The following CDH6 variants were observed in gnomAD, a reference collection of about 807,000 sequenced individuals.
The protein encoded by CDH6 is cadherin-6.
Under a neutral mutation model 78.0 loss-of-function variants are expected in CDH6, and 31 were observed. That is an observed-to-expected ratio of 0.40 (90% confidence interval 0.30 to 0.54). The LOEUF (loss-of-function observed/expected upper bound fraction) is 0.54. CDH6 is among the 20% of genes least tolerant of loss of function. The probability of loss-of-function intolerance (pLI) is 0.56; values close to 1 mark genes in which losing one functional copy is unlikely to be tolerated. For synonymous variants in CDH6, 376 were observed against 368.8 expected (o/e 1.02, Z -0.23); for missense variants, 724 against 975.9 (o/e 0.74, Z 3.44).
chr5:31,203,435 C>A (rs1307734605), intron 1 of CDH6, among the ~76,000 whole-genome samples: 1 of 122,256 alleles, frequency 8.2e-6, no homozygotes, highest in Non-Finnish European at 1.6e-5. Flanking sequence ...GTGTGATATT[C>A]CCCTTCCTGT....
At chr5:31,196,780 C>T (rs930205264) in intron 1 of CDH6, among the ~76,000 whole-genome samples, 2 of 152,088 alleles carry the variant, frequency 1.3e-5, no homozygotes, top group African/African-American at 2.4e-5. Context: ...TTGGTAACTG[C>T]TGGATGATTC....
intron 1 of CDH6, among the ~76,000 whole-genome samples, chr5:31,212,066 A>G (rs545325416): frequency 6.6e-6 from 1 of 151,974 alleles, no homozygotes; most frequent in East Asian, 1.9e-4. Flanking sequence ...TTGACTGTCT[A>G]AGTATAAGAA....
rs1299345280 is a variant in CDH6, at chr5:31,325,461, C to T, written c.*2153C>T. 1.3e-5 allele frequency: 3 copies of T among 231,394 alleles called. No homozygotes were observed. Among genetic ancestry groups the T allele is most frequent in the Non-Finnish European group, 2.6e-5 (3 of 117,060 alleles). 14.3% of individuals were successfully genotyped at this position (231,394 alleles called of 1,614,324 possible). On this transcript the variant is annotated 3_prime_UTR_variant, in exon 12 of 12. Transcript: ENST00000265071. The stretch of plus-strand genomic sequence containing the variant: ...GCTTAGTAAAGTTAGAAGCTACTTA[C>T]TCATAGCAATAGAACAGCACCTTAA...
At chr5:31,245,296 C>T (rs576319059) in intron 1 of CDH6, among the ~76,000 whole-genome samples, 1 of 152,296 alleles carries the variant, frequency 6.6e-6, no homozygotes, top group East Asian at 1.9e-4. Flanking sequence ...CAACAGGCAG[C>T]GGGAGATCAC....
intron 1 of CDH6, among the ~76,000 whole-genome samples, chr5:31,254,332 T>A (rs958625741): frequency 2.6e-5 from 4 of 152,176 alleles, no homozygotes; most frequent in African/African-American, 9.7e-5. Flanking sequence ...TGTTCTCCAC[T>A]TAATAAGGAA....
chr5:31,322,723 T>C, intron 11 of CDH6, 95 bp from the exon 12 acceptor site: 1 of 1,445,512 alleles, frequency 6.9e-7, no homozygotes, highest in East Asian at 2.3e-5. Flanking sequence ...AGAGAACTTT[T>C]AAAACTTCAC....
chr5:31,226,881 G>T (rs1270437908), intron 1 of CDH6, among the ~76,000 whole-genome samples: 4 of 152,186 alleles, frequency 2.6e-5, no homozygotes, highest in African/African-American at 9.6e-5. Flanking sequence ...ATCACTCTGT[G>T]AGACTAATTA....
rs192025965 is a variant in CDH6, at chr5:31,324,339, C to G, written c.*1031C>G. The G allele has an allele frequency of 4.7e-6, 1 of 213,462 alleles. No individual in the cohort carries two copies. Among genetic ancestry groups the G allele is most frequent in the South Asian group, 1.9e-4 (1 of 5,354 alleles). The allele number at this position is 213,462 out of a possible 1,614,324, so 13.2% of individuals were successfully genotyped here. On this transcript the variant is annotated 3_prime_UTR_variant, in exon 12 of 12. Coordinates refer to ENST00000265071, the MANE Select transcript of CDH6 (RefSeq NM_004932.4). ...ATTAGTAAAGTTAGATTAAATAAAA[C>G]TTAAATCTCACTCTAGGAGTTCAGT...
At chr5:31,262,617 G>A (rs1460637178) in intron 1 of CDH6, among the ~76,000 whole-genome samples, 2 of 152,228 alleles carry the variant, frequency 1.3e-5, no homozygotes, top group Non-Finnish European at 2.9e-5. Context: ...AATGCTAAGA[G>A]GGAATGCAGG....
chr5:31,288,560 A>G (rs1426555014), intron 2 of CDH6, among the ~76,000 whole-genome samples: 4 of 152,208 alleles, frequency 2.6e-5, no homozygotes, highest in African/African-American at 9.6e-5. Context: ...GTATGTATAC[A>G]TGTAGACATC....
intron 1 of CDH6, among the ~76,000 whole-genome samples, chr5:31,199,695 ATATATATATATATATATATATCTC>A (rs1477733740): frequency 7.8e-6 from 1 of 128,190 alleles, no homozygotes; most frequent in Non-Finnish European, 1.6e-5. Flanking sequence ...GTATATATAT[ATATATATATATATATATATATCTC>A]AAAGATAAAA....
intron 1 of CDH6, among the ~76,000 whole-genome samples, chr5:31,233,815 C>T (rs1741382238): frequency 6.6e-6 from 1 of 152,174 alleles, no homozygotes; most frequent in African/African-American, 2.4e-5. Flanking sequence ...ACTCAGCATC[C>T]CTTTACCCAT....
At chr5:31,285,955 T>C (rs564441996) in intron 2 of CDH6, among the ~76,000 whole-genome samples, 10 of 152,324 alleles carry the variant, frequency 6.6e-5, no homozygotes, top group African/African-American at 2.4e-4. Context: ...TAGTAATTGA[T>C]AAATTATCTG....
At position 31,266,902 on chromosome 5, in the gene CDH6, T is replaced by G. The variant is rs143005162; in HGVS notation, c.-128-444T>G. Among the ~76,000 whole-genome samples, 299 of 152,348 alleles carry G rather than the reference T, an allele frequency of 2.0e-3. 1 individual carries two copies. Among genetic ancestry groups the G allele is most frequent in the African/African-American group, 6.6e-3 (273 of 41,580 alleles). ...GCACATCTCAGGGATTCAATACATT[T>G]TAGCAAAATTTCAACATTATCCACT... On this transcript the variant is annotated intron_variant, in intron 1 of 11. Coordinates refer to ENST00000265071, the MANE Select transcript of CDH6 (RefSeq NM_004932.4).
At chr5:31,292,834 TATATATATATATGTGTGCATATATATATA>T (rs1737430604) in intron 2 of CDH6, among the ~76,000 whole-genome samples, 2 of 3,128 alleles carry the variant, frequency 6.4e-4, no homozygotes, top group Admixed American at 5.2e-3. Flanking sequence ...TATATATATA[TATATATATATATGTGTGCATATATATATA>T]TATATATATA....
chr5:31,290,119 G>T (rs1239029919), intron 2 of CDH6, among the ~76,000 whole-genome samples: 3 of 152,120 alleles, frequency 2.0e-5, no homozygotes, highest in Non-Finnish European at 4.4e-5. Flanking sequence ...AATTAGCCAG[G>T]TGTGGTGGTG....
chr5:31,230,918 C>G (rs868176237), intron 1 of CDH6, among the ~76,000 whole-genome samples: 19 of 152,232 alleles, frequency 1.2e-4, no homozygotes, highest in Admixed American at 5.2e-4. Context: ...ATGCTTAAAT[C>G]CATGTTAAGA....
At chr5:31,289,651 C>A (rs1488933916) in intron 2 of CDH6, among the ~76,000 whole-genome samples, 1 of 152,196 alleles carries the variant, frequency 6.6e-6, no homozygotes, top group Non-Finnish European at 1.5e-5. Flanking sequence ...GGACTGTTTT[C>A]TGTCTTAACA....
intron 1 of CDH6, among the ~76,000 whole-genome samples, chr5:31,253,997 T>C (rs1741983526): frequency 6.6e-6 from 1 of 152,238 alleles, no homozygotes; most frequent in Non-Finnish European, 1.5e-5. Flanking sequence ...AAATATTACA[T>C]GGAAAATTCC....
Sources: allele counts gnomAD v4.1 joint callset (sites outside exome capture counted in the v4.1 genomes callset), GRCh38; gene constraint gnomAD v4.1.1; transcripts MANE v1.5; gene names NCBI Gene and HGNC (gene_info 2026-07-23, HGNC 2026-07-21).